PAPLN: variants seen among roughly 807,000 people sequenced by gnomAD.
PAPLN encodes the protein papilin.
A neutral mutation model predicts 159.0 loss-of-function variants in PAPLN; 146 were observed. That is an observed-to-expected ratio of 0.92 (90% CI 0.80 to 1.05). The LOEUF is 1.05. Ranked by LOEUF, PAPLN falls within the 50% of genes least tolerant of loss-of-function variation. The pLI is 0.00. For missense variants in PAPLN, 1,720 were observed against 1,743.9 expected (o/e 0.99, Z 0.24); for synonymous variants, 734 against 702.9 (o/e 1.04, Z -0.70).
Position 73,262,515 on chromosome 14 carries a change from G to A in PAPLN, c.2411G>A (p.Cys804Tyr). 6.3e-7 allele frequency: 1 copy of A among 1,581,190 alleles called. No individual in the cohort carries two copies. Among genetic ancestry groups the A allele is most frequent in the Non-Finnish European group, 8.6e-7 (1 of 1,162,908 alleles). The stretch of plus-strand genomic sequence containing the variant: ...TCGGAGCAAGAGTGCATGAGCAGCT[G>A]CCAGGGATCTCTCCATGGGCCCCGT... ...FASEQECMSS[C>Y]QGSLHGPRRP... The change falls in exon 19 of 27, where the codon TGC becomes TAC. Residue 804 changes from cysteine to tyrosine, a missense_variant. Transcript: ENST00000644200.
At chr14:73,238,498 GA>G (rs1883203279) in intron 1 of PAPLN, among the ~76,000 whole-genome samples, 1 of 152,256 alleles carries the variant, frequency 6.6e-6, no homozygotes, top group Non-Finnish European at 1.5e-5. Flanking sequence ...GGAGTTCAGT[GA>G]AATTGCAGCG....
intron 12 of PAPLN, 149 bp from the exon 13 acceptor site, chr14:73,254,364 G>T: frequency 1.1e-6 from 1 of 928,560 alleles, no homozygotes; most frequent in East Asian, 2.5e-5. Context: ...TGACCTCAGG[G>T]GAGTGAGTCA....
chr14:73,264,303 G>T lies in PAPLN; in HGVS notation c.2954G>T (p.Arg985Leu). Residue 985 changes from arginine (R) to leucine (L), a missense_variant, in exon 21 of 27, where the codon CGC (arginine) becomes CTC (leucine). Transcript: ENST00000644200. ...TYSCGSTRPG[R>L]DSQKIQLRII... is the part of the protein sequence containing the mutation. ...AGCTGTGGCAGCACCCGGCCAGGCC[G>T]CGACTCCCAGAAGATCCAACTTCGC... 6.2e-7 allele frequency: 1 copy of T among 1,613,916 alleles called. No homozygotes were observed.
rs1269614366 is a variant in PAPLN at position 73,245,655 on chromosome 14, T to C, written c.190T>C (p.Cys64Arg). ...CCGCAGGAGAGATGGAGGCTCCAGC[T>C]GCGTGGGCCCCGCCCGGAGCCACCG... ...YSQRRDGGSS[C>R]VGPARSHRSC... The change falls in exon 4 of 27, where the codon TGC becomes CGC. Residue 64 changes from cysteine (C) to arginine (R), a missense_variant. Physicochemically the swap from Cys to Arg is radical, Grantham distance 180 (BLOSUM62 -3). Coordinates refer to ENST00000644200, the MANE Select transcript of PAPLN (RefSeq NM_001365906.3). This position sits in a 1 kb window ranked among gnomAD's most constrained non-coding sequence, Gnocchi z 4.2. The C allele has an allele frequency of 6.4e-7, 1 of 1,559,760 alleles. No homozygotes were observed. Among genetic ancestry groups the C allele is most frequent in the Non-Finnish European group, 8.7e-7 (1 of 1,153,924 alleles).
At position 73,237,532 on chromosome 14, in the gene PAPLN, G is replaced by A. The variant is rs553190273; in HGVS notation, c.-67G>A. 6.6e-6 allele frequency: 1 copy of A among 152,450 alleles called. No homozygotes were observed. Among genetic ancestry groups the A allele is most frequent in the East Asian group, 1.9e-4 (1 of 5,178 alleles). 9.4% of individuals were successfully genotyped at this position (152,450 alleles called of 1,614,324 possible). On this transcript the variant is annotated 5_prime_UTR_variant, in exon 1 of 27. Transcript: ENST00000644200. ...CGGCCCGGCCGACCTCGCGGGCTTGGGCCTGGGCGGGCACCGACGGAGCGG... is the reference window on the plus strand; with the variant it reads ...CGGCCCGGCCGACCTCGCGGGCTTGAGCCTGGGCGGGCACCGACGGAGCGG...
At chr14:73,239,660 G>T in intron 1 of PAPLN, 113 bp from the exon 2 acceptor site, 1 of 1,470,374 alleles carries the variant, frequency 6.8e-7, no homozygotes, top group African/African-American at 1.4e-5. Flanking sequence ...GTCCTGTTGC[G>T]GGTCTCCTGG....
intron 2 of PAPLN, among the ~76,000 whole-genome samples, chr14:73,240,993 G>C (rs1008825034): frequency 2.0e-5 from 3 of 151,264 alleles, no homozygotes; most frequent in Admixed American, 6.6e-5. Context: ...GACCCAAACT[G>C]TTTTCTGCCA....
intron 6 of PAPLN, 122 bp from the exon 7 acceptor site, chr14:73,250,785 A>T: frequency 1.6e-6 from 2 of 1,228,336 alleles, no homozygotes; most frequent in Non-Finnish European, 2.1e-6. Flanking sequence ...TGGTGGCTGA[A>T]TCACTCCCGA....
Position 73,264,650 on chromosome 14 carries a change from G to C in PAPLN, c.3049G>C (p.Ala1017Pro), listed in dbSNP as rs1269721227. 1 of 1,607,698 alleles carries C rather than the reference G, an allele frequency of 6.2e-7. No individual in the cohort carries two copies. Among genetic ancestry groups the C allele is most frequent in the Non-Finnish European group, 8.5e-7 (1 of 1,178,472 alleles). The change falls in exon 22 of 27, where the codon GCT (alanine) becomes CCT (proline). Residue 1017 changes from alanine (A) to proline (P), a missense_variant. Transcript: ENST00000644200. The stretch of plus-strand genomic sequence containing the variant: ...CCGCTTCCCTCAGCCCAGGGACCCA[G>C]CTCAGGACTTTGGCCAAGCGGGGGC... ...LSRFPQPRDP[A>P]QDFGQAGAAG...
At chr14:73,264,139 C>T (rs1272924473) in intron 20 of PAPLN, 72 bp from the exon 21 acceptor site, 46 of 1,604,290 alleles carry the variant, frequency 2.9e-5, no homozygotes, top group South Asian at 1.5e-4. Flanking sequence ...GCACGAGCAC[C>T]GAGGCGGAGG....
intron 14 of PAPLN, among the ~76,000 whole-genome samples, chr14:73,257,817 G>A (rs1341755063): frequency 7.4e-6 from 1 of 135,396 alleles, no homozygotes; most frequent in Non-Finnish European, 1.5e-5. Flanking sequence ...AGTTTGGAGT[G>A]CAGTGGCGCG....
At position 73,250,889 on chromosome 14, in the gene PAPLN, C is replaced by G. The variant is rs779364306; in HGVS notation, c.466-18C>G. The G allele has an allele frequency of 6.2e-7, 1 of 1,602,424 alleles. No individual in the cohort carries two copies. The highest frequency in any genetic ancestry group is 8.5e-7 in the Non-Finnish European group (1 of 1,174,372). On this transcript the variant is annotated intron_variant, in intron 6 of 26. Coordinates refer to ENST00000644200, the MANE Select transcript of PAPLN (RefSeq NM_001365906.3). ...GCCATGATGCCGTCTCCCCTGCCTC[C>G]CGCATCTCTGCCCACAGGTTGTCGG...
chr14:73,262,102 A>T, intron 18 of PAPLN: 2 of 445,510 alleles, frequency 4.5e-6, no homozygotes, highest in Non-Finnish European at 7.9e-6. Flanking sequence ...CCTGGCCCTG[A>T]CCTCCCAGAG....
intron 26 of PAPLN, among the ~76,000 whole-genome samples, chr14:73,271,228 TAC>T (rs752550953): frequency 1.3e-5 from 2 of 152,158 alleles, no homozygotes; most frequent in African/African-American, 2.4e-5. Context: ...ATACCAAAGT[TAC>T]AGATTTTTAG....
rs182587944 is a variant in PAPLN at position 73,251,847 on chromosome 14, G to T, written c.843+11G>T. 17,132 of 1,587,524 alleles carry T rather than the reference G, an allele frequency of 0.011. 107 individuals are homozygous for T. The highest frequency in any genetic ancestry group is 0.013 in the Non-Finnish European group (14,912 of 1,169,484). On this transcript the variant is annotated intron_variant, in intron 9 of 26. Transcript: ENST00000644200. ...CCCCTGGTCATCGAGGTAAATGGGG[G>T]TGTGGGGAGAGAGGGCGAGTGGGCA...
intron 6 of PAPLN, 74 bp downstream of exon 6, chr14:73,250,188 C>T: frequency 6.9e-7 from 1 of 1,459,092 alleles, no homozygotes. Flanking sequence ...CTGTCCATCA[C>T]CCATAGGCCC....
intron 14 of PAPLN, among the ~76,000 whole-genome samples, chr14:73,258,340 C>T (rs921862330): frequency 6.6e-6 from 1 of 152,056 alleles, no homozygotes; most frequent in Non-Finnish European, 1.5e-5. Context: ...TGGAGAAATG[C>T]GTAAGTTCTT....
At position 73,245,754 on chromosome 14, in the gene PAPLN, T is replaced by G; in HGVS notation, c.231+58T>G. On this transcript the variant is annotated intron_variant, in intron 4 of 26. Transcript: ENST00000644200. The surrounding 1 kb of genome is among the most constrained non-coding windows in gnomAD (Gnocchi z 4.2). ...GCTTCCCCAGCCCCTCCTGGCCGAT[T>G]TCCCCATTGGGATGCCCGCTCCTGG... The G allele has an allele frequency of 2.6e-6, 4 of 1,528,390 alleles. No individual in the cohort carries two copies. The highest frequency in any genetic ancestry group is 3.5e-6 in the Non-Finnish European group (4 of 1,140,704). 94.7% of individuals were successfully genotyped at this position (1,528,390 alleles called of 1,614,324 possible).
chr14:73,246,294 CTG>C, intron 5 of PAPLN, 119 bp downstream of exon 5: 3 of 888,460 alleles, frequency 3.4e-6, no homozygotes, highest in Non-Finnish European at 4.7e-6. Flanking sequence ...GACAGTCTCA[CTG>C]TGTTGCCCAG....
Sources: gnomAD v4.1 joint callset for allele counts (sites outside exome capture counted in the v4.1 genomes callset) on GRCh38, gnomAD v4.1.1 for gene constraint, Gnocchi (gnomAD v3.1) non-coding constraint, MANE v1.5 for transcripts, NCBI Gene and HGNC (gene_info 2026-07-23, HGNC 2026-07-21) for gene names.